Variants in SNAPC3 observed in about 807,000 individuals in gnomAD.
The protein encoded by SNAPC3 is snRNA-activating protein complex subunit 3.
Under a neutral mutation model 47.7 loss-of-function variants are expected in SNAPC3, and 56 were observed. The ratio of observed to expected loss-of-function variants is 1.18; its 90% CI spans 0.95 to 1.47. SNAPC3 has a LOEUF of 1.47. Among genes scored for constraint, SNAPC3 ranks in the 40% most tolerant of loss-of-function variants. The pLI, the probability that SNAPC3 is intolerant of heterozygous loss-of-function variation, is 0.00. For synonymous variants in SNAPC3, 235 were observed against 189.9 expected (o/e 1.24, Z -1.95); for missense variants, 665 against 511.3 (o/e 1.30, Z -2.90).
intron 3 of SNAPC3, among the ~76,000 whole-genome samples, chr9:15,435,402 GTC>G (rs1288585411): frequency 6.6e-6 from 1 of 152,062 alleles, no homozygotes; most frequent in African/African-American, 2.4e-5. Flanking sequence ...GCGAAACCCT[GTC>G]TCTACTAAAA....
chr9:15,426,353 T>G (rs1352080653), intron 2 of SNAPC3, among the ~76,000 whole-genome samples: 3 of 152,200 alleles, frequency 2.0e-5, no homozygotes, highest in African/African-American at 7.2e-5. Context: ...GGTCATCTTG[T>G]ATGCTCATGT....
At chr9:15,442,740 A>C (rs1227914072) in intron 3 of SNAPC3, among the ~76,000 whole-genome samples, 1 of 151,944 alleles carries the variant, frequency 6.6e-6, no homozygotes, top group East Asian at 1.9e-4. Flanking sequence ...GCAGCCAGGC[A>C]GAGACGCTCT....
At chr9:15,428,605 G>A (rs984450725) in intron 2 of SNAPC3, among the ~76,000 whole-genome samples, 4 of 151,936 alleles carry the variant, frequency 2.6e-5, no homozygotes, top group Non-Finnish European at 4.4e-5. Context: ...GTTTACCTTG[G>A]CTTAGAATTT....
intron 3 of SNAPC3, among the ~76,000 whole-genome samples, chr9:15,439,354 A>T (rs1387003795): frequency 6.6e-6 from 1 of 152,082 alleles, no homozygotes; most frequent in Non-Finnish European, 1.5e-5. Context: ...ATCTTTTGCC[A>T]ATATATAATA....
Position 15,453,003 on chromosome 9 carries a change from G to A in SNAPC3, c.816-38G>A, listed in dbSNP as rs138821543. Reference sequence around the variant, plus strand: ...TGTTTTCTGTAGTTTTTAAGTTTTTGTGGAAAAATGATATATCCTTGCCTT... The same window carrying A: ...TGTTTTCTGTAGTTTTTAAGTTTTTATGGAAAAATGATATATCCTTGCCTT... On this transcript the variant is annotated intron_variant, in intron 6 of 8. Transcript: ENST00000380821. 9.6e-3 allele frequency: 14,647 copies of A among 1,526,436 alleles called. 96 individuals carry two copies. Among genetic ancestry groups the A allele is most frequent in the Non-Finnish European group, 0.012 (13,829 of 1,130,814 alleles). 94.6% of individuals were successfully genotyped at this position (1,526,436 alleles called of 1,614,324 possible).
intron 3 of SNAPC3, among the ~76,000 whole-genome samples, chr9:15,441,168 A>C (rs2033315822): frequency 6.8e-6 from 1 of 146,020 alleles, no homozygotes; most frequent in African/African-American, 2.6e-5. Flanking sequence ...GAGCACATTT[A>C]AGTCAGTTGC....
At chr9:15,463,445 C>T (rs1192865532), downstream of SNAPC3, 1 of 137,686 alleles carries the variant, frequency 7.3e-6, no homozygotes, top group Non-Finnish European at 1.5e-5. Flanking sequence ...CACACACATA[C>T]CAGCCCAAAA....
chr9:15,462,138 A>C (rs1319293334), downstream of SNAPC3: 1 of 152,254 alleles, frequency 6.6e-6, no homozygotes, highest in South Asian at 2.1e-4. Context: ...TTATTGTCAT[A>C]ATGCATTATT....
chr9:15,458,841 A>G (rs1328229717), intron 8 of SNAPC3, among the ~76,000 whole-genome samples: 1 of 152,208 alleles, frequency 6.6e-6, no homozygotes, highest in African/African-American at 2.4e-5. Context: ...CAGAAATCCA[A>G]AACCTGAAAG....
At chr9:15,446,816 T>C (rs2033969089) in intron 4 of SNAPC3, among the ~76,000 whole-genome samples, 1 of 152,130 alleles carries the variant, frequency 6.6e-6, no homozygotes, top group South Asian at 2.1e-4. Flanking sequence ...TGCTTGGCCC[T>C]GGGTGGATTG....
intron 2 of SNAPC3, among the ~76,000 whole-genome samples, chr9:15,431,283 C>T (rs1485644423): frequency 6.6e-6 from 1 of 152,180 alleles, no homozygotes; most frequent in African/African-American, 2.4e-5. Flanking sequence ...CTTCTTTCTC[C>T]AGCTCGTCTG....
intron 2 of SNAPC3, among the ~76,000 whole-genome samples, chr9:15,424,582 CAA>C (rs755507571): frequency 1.3e-5 from 2 of 152,066 alleles, no homozygotes; most frequent in East Asian, 1.9e-4. Flanking sequence ...ATTCAATAGA[CAA>C]AATTATTCAA....
At chr9:15,441,080 A>G (rs1286316800) in intron 3 of SNAPC3, among the ~76,000 whole-genome samples, 1 of 151,796 alleles carries the variant, frequency 6.6e-6, no homozygotes, top group Non-Finnish European at 1.5e-5. Context: ...TTCTTTAAGT[A>G]TTTGGTTTCC....
chr9:15,458,091 T>TC, intron 8 of SNAPC3, 24 bp downstream of exon 8: 1 of 1,340,824 alleles, frequency 7.5e-7, no homozygotes, highest in Non-Finnish European at 1.0e-6. Flanking sequence ...TATTTTTTTT[T>TC]TTCTCTGAGA....
chr9:15,461,630 G>C (rs1419947969), downstream of SNAPC3: 1 of 152,140 alleles, frequency 6.6e-6, no homozygotes, highest in East Asian at 1.9e-4. Context: ...CTCTCTCCTA[G>C]GTTGTATTTA....
chr9:15,433,309 A>T (rs2032397217), intron 2 of SNAPC3, among the ~76,000 whole-genome samples: 1 of 152,104 alleles, frequency 6.6e-6, no homozygotes, highest in East Asian at 1.9e-4. Context: ...ATTGTGTGAA[A>T]TTTTAAAAAG....
intron 2 of SNAPC3, among the ~76,000 whole-genome samples, chr9:15,426,965 C>T (rs1325993209): frequency 2.0e-5 from 3 of 152,168 alleles, no homozygotes; most frequent in Non-Finnish European, 4.4e-5. Flanking sequence ...ATTTGTATCT[C>T]TATGCTTTAT....
chr9:15,439,967 G>A (rs2033177598), intron 3 of SNAPC3, among the ~76,000 whole-genome samples: 1 of 152,190 alleles, frequency 6.6e-6, no homozygotes, highest in African/African-American at 2.4e-5. Context: ...TTTTCCACTT[G>A]TGATGTATTT....
At chr9:15,448,967 C>T (rs2034154722) in intron 5 of SNAPC3, among the ~76,000 whole-genome samples, 1 of 151,846 alleles carries the variant, frequency 6.6e-6, no homozygotes, top group African/African-American at 2.4e-5. Flanking sequence ...CCCCACTGCG[C>T]CCAGTTAATT....
Sources: allele counts gnomAD v4.1 joint callset (sites outside exome capture counted in the v4.1 genomes callset), GRCh38; gene constraint gnomAD v4.1.1; transcripts MANE v1.5; gene names NCBI Gene and HGNC (gene_info 2026-07-23, HGNC 2026-07-21).